The following DIP2B variants were observed in gnomAD, a reference collection of about 807,000 sequenced individuals.
The protein encoded by DIP2B is DIP2 acetate--CoA ligase B (putative).
DIP2B carries 76 observed loss-of-function variants against 198.0 expected under a neutral mutation model. The observed-to-expected ratio is 0.38, with a 90% CI of 0.32 to 0.46. The LOEUF (loss-of-function observed/expected upper bound fraction) is 0.46, where lower values mean the gene tolerates loss of function less well. Among genes scored for constraint, DIP2B ranks in the 20% least tolerant of loss-of-function variants. DIP2B has a pLI of 0.99. For synonymous variants in DIP2B, 701 were observed against 739.1 expected (o/e 0.95, Z 0.84); for missense variants, 1,559 against 1,978.4 (o/e 0.79, Z 4.02).
chr12:50,546,391 A>C (rs1187006971), intron 1 of DIP2B, among the ~76,000 whole-genome samples: 1 of 152,216 alleles, frequency 6.6e-6, no homozygotes, highest in African/African-American at 2.4e-5. Context: ...AATGTTTGTT[A>C]CATGAGTTGT....
At chr12:50,589,168 G>C (rs1028990086) in intron 1 of DIP2B, among the ~76,000 whole-genome samples, 2 of 150,970 alleles carry the variant, frequency 1.3e-5, no homozygotes, top group Non-Finnish European at 3.0e-5. Context: ...TAGGAAACAG[G>C]GCAAGACTCT....
intron 3 of DIP2B, 88 bp from the exon 4 acceptor site, chr12:50,660,106 A>C (rs1459989414): frequency 2.6e-6 from 3 of 1,153,404 alleles, no homozygotes; most frequent in African/African-American, 1.6e-5. Flanking sequence ...TTTTTTTTTT[A>C]AACAATTGAG....
chr12:50,561,117 A>T lies in DIP2B; in HGVS notation c.100+55877A>T, dbSNP rs190357241. 1.4e-4 allele frequency among the ~76,000 whole-genome samples: 21 copies of T among 152,274 alleles called. No individual in the cohort carries two copies. In the East Asian group the frequency reaches 4.1e-3, roughly 29 times the overall value. ...AGGCCTTTTCTCCTCTGTTTACTCA[A>T]TATCAATTGTTTAAGGAAAGCTAGA... On this transcript the variant is annotated intron_variant, in intron 1 of 37. Transcript: ENST00000301180.
intron 2 of DIP2B, among the ~76,000 whole-genome samples, chr12:50,638,008 C>G (rs371169805): frequency 1.3e-5 from 2 of 152,138 alleles, no homozygotes; most frequent in East Asian, 1.9e-4. Flanking sequence ...TGTTTTTGAA[C>G]CTAAAATGTG....
chr12:50,556,269 C>T (rs921880633), intron 1 of DIP2B, among the ~76,000 whole-genome samples: 3 of 151,790 alleles, frequency 2.0e-5, no homozygotes, highest in Admixed American at 1.3e-4. Context: ...AGGATGGTCT[C>T]GAACTCCCGA....
intron 19 of DIP2B, among the ~76,000 whole-genome samples, chr12:50,700,586 C>T (rs1039188744): frequency 6.6e-6 from 1 of 152,196 alleles, no homozygotes; most frequent in Non-Finnish European, 1.5e-5. Flanking sequence ...TCTATGCTCT[C>T]CATGATGTGG....
At position 50,505,251 on chromosome 12, in the gene DIP2B, G is replaced by A. The variant is rs999720378; in HGVS notation, c.100+11G>A. On this transcript the variant is annotated intron_variant, in intron 1 of 37. Coordinates refer to ENST00000301180, the MANE Select transcript of DIP2B (RefSeq NM_173602.3). ...TGGAGCTCTCGGAGGGTAGGAGCCG[G>A]GCCGGGGAGAGGGCGCCCGGGGCCC... is the stretch of plus-strand genomic sequence containing the variant. The A allele has an allele frequency of 5.4e-6, 8 of 1,494,900 alleles. No individual in the cohort carries two copies. The highest frequency in any genetic ancestry group is 4.4e-5 in the African/African-American group (3 of 68,424). 92.6% of individuals were successfully genotyped at this position (1,494,900 alleles called of 1,614,324 possible). A position where few individuals can be genotyped will look rare whatever the true frequency, so the allele number is the denominator to read the frequency against.
intron 7 of DIP2B, among the ~76,000 whole-genome samples, chr12:50,676,465 G>A (rs1938948479): frequency 6.6e-6 from 1 of 152,166 alleles, no homozygotes; most frequent in African/African-American, 2.4e-5. Flanking sequence ...TCATTGAATG[G>A]TGGACGTCTT....
At chr12:50,598,736 CCCCCTCCCCCCTCCCCCTCCCCT>C (rs1958900452) in intron 1 of DIP2B, among the ~76,000 whole-genome samples, 1 of 478 alleles carries the variant, frequency 2.1e-3, no homozygotes, top group African/African-American at 9.3e-3. Flanking sequence ...CCCTCCCCTC[CCCCCTCCCCCCTCCCCCTCCCCT>C]CCCCTCCCCT....
chr12:50,634,835 AAAAG>A (rs1938127993), intron 2 of DIP2B, among the ~76,000 whole-genome samples: 1 of 152,202 alleles, frequency 6.6e-6, no homozygotes, highest in Non-Finnish European at 1.5e-5. Flanking sequence ...TGCACAACTA[AAAAG>A]AAAGAGCATT....
intron 14 of DIP2B, 150 bp from the exon 15 acceptor site, chr12:50,695,117 T>C (rs1221207788): frequency 5.2e-6 from 3 of 581,098 alleles, no homozygotes; most frequent in Non-Finnish European, 8.5e-6. Context: ...GGAACTTCAA[T>C]CTTATATTTA....
At chr12:50,696,571 A>G (rs1278095355) in intron 16 of DIP2B, among the ~76,000 whole-genome samples, 1 of 152,168 alleles carries the variant, frequency 6.6e-6, no homozygotes, top group African/African-American at 2.4e-5. Context: ...GATCCTTCAC[A>G]CAGTAGAATC....
intron 1 of DIP2B, among the ~76,000 whole-genome samples, chr12:50,549,143 A>C (rs1472408682): frequency 6.6e-6 from 1 of 151,138 alleles, no homozygotes; most frequent in Non-Finnish European, 1.5e-5. Flanking sequence ...ATTGAGCAAG[A>C]GTCAGGGACG....
intron 1 of DIP2B, among the ~76,000 whole-genome samples, chr12:50,555,922 G>T (rs886869368): frequency 6.6e-6 from 1 of 152,116 alleles, no homozygotes; most frequent in African/African-American, 2.4e-5. Flanking sequence ...TTGTGTAGCA[G>T]CTCAAGAAAC....
rs1330693050 is a variant in DIP2B, at chr12:50,691,158, C to A, written c.1654+7C>A. On this transcript the variant is annotated splice_region_variant and intron_variant, in intron 13 of 37. Coordinates refer to ENST00000301180, the MANE Select transcript of DIP2B (RefSeq NM_173602.3). ...GCCTGCAATTATTCTGAAGGTCAGA[C>A]CTCATCCCATGACTGCCCTCATTGT... is the stretch of plus-strand genomic sequence containing the variant. 1 of 1,613,274 alleles carries A rather than the reference C, an allele frequency of 6.2e-7. No homozygotes were observed. The highest frequency in any genetic ancestry group is 1.7e-5 in the Admixed American group (1 of 60,012).
chr12:50,550,700 G>A (rs934046295), intron 1 of DIP2B, among the ~76,000 whole-genome samples: 8 of 152,180 alleles, frequency 5.3e-5, no homozygotes, highest in African/African-American at 1.9e-4. Context: ...GAGGCAGCCC[G>A]CTTCTCTGCA....
At chr12:50,585,530 A>G (rs1234697942) in intron 1 of DIP2B, among the ~76,000 whole-genome samples, 1 of 152,202 alleles carries the variant, frequency 6.6e-6, no homozygotes, top group Non-Finnish European at 1.5e-5. Flanking sequence ...TGGCAAAGGA[A>G]CAGCAGGTGA....
chr12:50,659,710 C>T (rs551186243), intron 3 of DIP2B, among the ~76,000 whole-genome samples: 13 of 152,246 alleles, frequency 8.5e-5, no homozygotes, highest in Non-Finnish European at 1.6e-4. Flanking sequence ...CCTTCTCTTC[C>T]TGTGGCATAG....
rs766967487 is a variant in DIP2B, at chr12:50,741,441, G to A, written c.4380G>A (p.Val1460=). 6 of 1,614,034 alleles carry A rather than the reference G, an allele frequency of 3.7e-6. No individual in the cohort carries two copies. The highest frequency in any genetic ancestry group is 5.1e-6 in the Non-Finnish European group (6 of 1,179,996). ...AGCGTCATGATGCATTGTATGTGGT[G>A]GGAGCGCTGGATGAAACACTGGAGC... is the stretch of plus-strand genomic sequence containing the variant. ...TGERHDALYV[V]GALDETLELR... The change falls in exon 37 of 38, where the codon GTG becomes GTA. Residue 1460 remains valine (V), a synonymous_variant. Coordinates refer to ENST00000301180, the MANE Select transcript of DIP2B (RefSeq NM_173602.3).
Sources: gnomAD v4.1 joint callset for allele counts (sites outside exome capture counted in the v4.1 genomes callset) on GRCh38, gnomAD v4.1.1 for gene constraint, MANE v1.5 for transcripts, NCBI Gene and HGNC (gene_info 2026-07-23, HGNC 2026-07-21) for gene names.